WWP1: variants seen among roughly 807,000 people sequenced by gnomAD.
The protein encoded by WWP1 is NEDD4-like E3 ubiquitin-protein ligase WWP1.
WWP1 carries 49 observed loss-of-function variants against 130.6 expected under a neutral mutation model. The observed-to-expected ratio is 0.38, with a 90% CI of 0.30 to 0.48. WWP1 has a LOEUF of 0.48. Ranked by LOEUF, WWP1 falls within the 20% of genes least tolerant of loss-of-function variation. The pLI, the probability that WWP1 is intolerant of heterozygous loss-of-function variation, is 0.99. For synonymous variants in WWP1, 332 were observed against 367.8 expected (o/e 0.90, Z 1.11); for missense variants, 809 against 1,100.6 (o/e 0.74, Z 3.75).
At chr8:86,363,852 GTATT>G (rs1043497858) in intron 1 of WWP1, among the ~76,000 whole-genome samples, 10 of 151,648 alleles carry the variant, frequency 6.6e-5, no homozygotes, top group Non-Finnish European at 1.5e-4. Flanking sequence ...TATTTATTAG[GTATT>G]TATTCTGTGC....
At chr8:86,346,488 C>G (rs960824400) in intron 1 of WWP1, among the ~76,000 whole-genome samples, 1 of 152,070 alleles carries the variant, frequency 6.6e-6, no homozygotes, top group East Asian at 1.9e-4. Context: ...TTTCAGGAAG[C>G]CTTTATCAAA....
intron 24 of WWP1, among the ~76,000 whole-genome samples, chr8:86,464,550 G>T (rs916174446): frequency 6.6e-6 from 1 of 151,622 alleles, no homozygotes; most frequent in African/African-American, 2.4e-5. Flanking sequence ...GAGTCTTGCT[G>T]TGTTACCTAT....
chr8:86,421,435 C>T (rs375155087), intron 9 of WWP1, among the ~76,000 whole-genome samples: 1 of 151,920 alleles, frequency 6.6e-6, no homozygotes, highest in African/African-American at 2.4e-5. Flanking sequence ...ATATGGTTAT[C>T]GTGTATAAAA....
chr8:86,414,300 C>T lies in WWP1; in HGVS notation c.1061+2426C>T, dbSNP rs550429278. On this transcript the variant is annotated intron_variant, in intron 9 of 24. Transcript: ENST00000517970. The stretch of plus-strand genomic sequence containing the variant: ...TAGATAAATAGCAATCTGGTATACA[C>T]AGAGATATTTATATAAAACACACTT... 2.6e-5 allele frequency among the ~76,000 whole-genome samples: 4 copies of T among 151,872 alleles called. No homozygotes were observed. In the East Asian group the frequency reaches 5.8e-4, roughly 22 times the overall value.
intron 1 of WWP1, among the ~76,000 whole-genome samples, chr8:86,361,869 C>G (rs980273137): frequency 1.3e-5 from 2 of 151,612 alleles, no homozygotes; most frequent in South Asian, 2.1e-4. Flanking sequence ...GTGTCTGTTT[C>G]TGCTACTAAA....
chr8:86,425,420 A>T (rs1263986182), intron 10 of WWP1, 102 bp downstream of exon 10: 3 of 754,252 alleles, frequency 4.0e-6, no homozygotes, highest in Admixed American at 6.5e-5. Flanking sequence ...TTCTGCATAT[A>T]TTCAATTTCT....
intron 1 of WWP1, among the ~76,000 whole-genome samples, chr8:86,359,451 T>C (rs1192615721): frequency 1.3e-5 from 2 of 152,152 alleles, no homozygotes; most frequent in Admixed American, 1.3e-4. Context: ...CTTAGTCACA[T>C]ACCTGGTAAA....
At chr8:86,384,156 G>A (rs1825151326) in intron 5 of WWP1, among the ~76,000 whole-genome samples, 1 of 152,078 alleles carries the variant, frequency 6.6e-6, no homozygotes, top group Non-Finnish European at 1.5e-5. Flanking sequence ...CTACCCCAAT[G>A]ACATTATTTT....
At position 86,394,564 on chromosome 8, in the gene WWP1, T is replaced by A. The variant is rs148677272; in HGVS notation, c.335-3778T>A. ...GCATTGAAGGAAATGAGCAAAGCAGTGGTAAGGAGGTCTCCTTTAGGCTAG... is the reference window on the plus strand; with the variant it reads ...GCATTGAAGGAAATGAGCAAAGCAGAGGTAAGGAGGTCTCCTTTAGGCTAG... On this transcript the variant is annotated intron_variant, in intron 5 of 24. Coordinates refer to ENST00000517970, the MANE Select transcript of WWP1 (RefSeq NM_007013.4). 9.8e-3 allele frequency among the ~76,000 whole-genome samples: 1,499 copies of A among 152,260 alleles called. 28 individuals carry two copies. The highest frequency in any genetic ancestry group is 0.034 in the African/African-American group (1,429 of 41,544).
At position 86,361,060 on chromosome 8, in the gene WWP1, TGTA is replaced by T. The variant is rs539868420; in HGVS notation, c.-114-7876_-114-7874del. Among the ~76,000 whole-genome samples, 9 of 152,272 alleles carry T rather than the reference TGTA, an allele frequency of 5.9e-5. No individual in the cohort carries two copies. The East Asian group carries it at 1.7e-3, about 29-fold the overall frequency. The stretch of plus-strand genomic sequence containing the variant: ...TAGGCATTTATGAGTTTGGATTTAT[TGTA>T]GTTAAAATGAGAGAACGTTGGAAAC... On this transcript the variant is annotated intron_variant, in intron 1 of 24. Coordinates refer to ENST00000517970, the MANE Select transcript of WWP1 (RefSeq NM_007013.4).
At chr8:86,451,331 G>T (rs1007213237) in intron 20 of WWP1, among the ~76,000 whole-genome samples, 3 of 150,406 alleles carry the variant, frequency 2.0e-5, no homozygotes, top group African/African-American at 7.4e-5. Flanking sequence ...GTATTAAGGG[G>T]ATAAGTTGAT....
rs112229523 is a variant in WWP1 at position 86,429,445 on chromosome 8, A to C, written c.1333-1252A>C. 2.3e-3 allele frequency among the ~76,000 whole-genome samples: 350 copies of C among 152,288 alleles called. 5 individuals carry two copies. The highest frequency in any genetic ancestry group is 7.9e-3 in the African/African-American group (328 of 41,564). ...TACAAGATTATATTCATCAAGATGC[A>C]TATACTTTAAGAAATTATTTTTCAG... On this transcript the variant is annotated intron_variant, in intron 11 of 24. Coordinates refer to ENST00000517970, the MANE Select transcript of WWP1 (RefSeq NM_007013.4).
At chr8:86,390,393 A>G (rs1011824052) in intron 5 of WWP1, among the ~76,000 whole-genome samples, 160 of 152,162 alleles carry the variant, frequency 1.1e-3, no homozygotes, top group Non-Finnish European at 3.8e-4. Context: ...ACTGCACTCC[A>G]GCCTGGGCAA....
chr8:86,385,809 CAG>C (rs1825249353), intron 5 of WWP1, among the ~76,000 whole-genome samples: 1 of 152,038 alleles, frequency 6.6e-6, no homozygotes, highest in African/African-American at 2.4e-5. Flanking sequence ...AAAATGTTAA[CAG>C]AGAAACTTGC....
chr8:86,368,097 C>T (rs964985374), intron 1 of WWP1, among the ~76,000 whole-genome samples: 1 of 152,152 alleles, frequency 6.6e-6, no homozygotes, highest in African/African-American at 2.4e-5. Flanking sequence ...TATATTTAAC[C>T]TCCTTCTCCC....
At chr8:86,423,989 C>CGGGCGGAGACGGT (rs1326056999) in intron 9 of WWP1, among the ~76,000 whole-genome samples, 16 of 44,518 alleles carry the variant, frequency 3.6e-4, no homozygotes, top group Non-Finnish European at 7.1e-4. Flanking sequence ...ATGGGGCTGC[C>CGGGCGGAGACGGT]CCCCACCTCC....
chr8:86,372,578 T>C (rs4451291), intron 2 of WWP1, among the ~76,000 whole-genome samples: 8,274 of 152,322 alleles, frequency 0.054, 382 homozygotes, highest in African/African-American at 0.12. Context: ...CATATTTATG[T>C]CATTGGTCCA....
At chr8:86,408,812 G>T (rs142525105) in intron 8 of WWP1, among the ~76,000 whole-genome samples, 2,001 of 152,050 alleles carry the variant, frequency 0.013, 41 homozygotes, top group African/African-American at 0.046. Flanking sequence ...TGGGAGGCTG[G>T]GGCAGGAGAA....
chr8:86,424,713 G>A (rs1321558727), intron 9 of WWP1, among the ~76,000 whole-genome samples: 1 of 151,514 alleles, frequency 6.6e-6, no homozygotes, highest in East Asian at 2.0e-4. Context: ...GCTGAGGCGG[G>A]AGAATCAGGC....
Sources: gnomAD v4.1 joint callset for allele counts (sites outside exome capture counted in the v4.1 genomes callset) on GRCh38, gnomAD v4.1.1 for gene constraint, MANE v1.5 for transcripts, NCBI Gene and HGNC (gene_info 2026-07-23, HGNC 2026-07-21) for gene names.